Variants in RBFOX1 observed in about 807,000 individuals in gnomAD.
RBFOX1 encodes RNA binding protein fox-1 homolog 1.
In RBFOX1, 8 loss-of-function variants were observed where a neutral mutation model predicts 57.7. The observed-to-expected ratio is 0.14, with a 90% CI of 0.08 to 0.25. The LOEUF (loss-of-function observed/expected upper bound fraction) is 0.25, where lower values mean the gene tolerates loss of function less well. RBFOX1 is among the 10% of genes least tolerant of loss of function. The pLI is 1.00. For synonymous variants in RBFOX1, 326 were observed against 222.4 expected (o/e 1.47, Z -4.15); for missense variants, 611 against 548.5 (o/e 1.11, Z -1.14).
At chr16:6,753,557 T>C (rs1029642976) in intron 3 of RBFOX1, among the ~76,000 whole-genome samples, 1 of 152,198 alleles carries the variant, frequency 6.6e-6, no homozygotes, top group Admixed American at 6.5e-5. Flanking sequence ...ATTTGTTACA[T>C]CTGTCTTAAT....
intron 4 of RBFOX1, among the ~76,000 whole-genome samples, chr16:7,226,415 C>T (rs1439121783): frequency 6.6e-6 from 1 of 152,200 alleles, no homozygotes; most frequent in Non-Finnish European, 1.5e-5. Context: ...TACAGGCCCT[C>T]AGTTAAAAGA....
chr16:5,956,343 A>G (rs2059638881), intron 4 of RBFOX1, among the ~76,000 whole-genome samples: 8 of 152,260 alleles, frequency 5.3e-5, no homozygotes, highest in Middle Eastern at 3.4e-3. Context: ...TAAACAATGA[A>G]TAAATTTTTA....
chr16:6,341,490 A>G (rs1038450403), intron 2 of RBFOX1, among the ~76,000 whole-genome samples: 1 of 152,246 alleles, frequency 6.6e-6, no homozygotes, highest in Non-Finnish European at 1.5e-5. Flanking sequence ...TTTACTAAAC[A>G]GACCCAGGCT....
intron 15 of RBFOX1, chr16:7,709,417 T>C (rs2083531497): frequency 4.6e-6 from 6 of 1,309,214 alleles, no homozygotes; most frequent in Non-Finnish European, 6.0e-6. Context: ...ATTAAATCCA[T>C]CACTAACAGA....
At chr16:7,418,728 A>G (rs7190503) in intron 4 of RBFOX1, among the ~76,000 whole-genome samples, 32,614 of 151,960 alleles carry the variant, frequency 0.21, 3,619 homozygotes, top group East Asian at 0.33. Flanking sequence ...TAGAACTAAT[A>G]CTTTATGGTC....
In RBFOX1 at chr16:6,580,392, C is replaced by T. The variant is rs570709980; in HGVS notation, c.-63-74211C>T. On this transcript the variant is annotated intron_variant, in intron 2 of 15. Coordinates refer to ENST00000550418, the MANE Select transcript of RBFOX1 (RefSeq NM_018723.4). ...CATTTGCCAATTATCTGGAGAGGAGCACTACTTCCTAATTATGTGGTCATT... is the reference window on the plus strand; with the variant it reads ...CATTTGCCAATTATCTGGAGAGGAGTACTACTTCCTAATTATGTGGTCATT... Among the ~76,000 whole-genome samples, 7 of 152,300 alleles carry T rather than the reference C, an allele frequency of 4.6e-5. No homozygotes were observed. The South Asian group carries it at 8.3e-4, about 18-fold the overall frequency.
At chr16:6,612,719 G>C (rs2098080192) in intron 2 of RBFOX1, among the ~76,000 whole-genome samples, 1 of 151,810 alleles carries the variant, frequency 6.6e-6, no homozygotes, top group Non-Finnish European at 1.5e-5. Flanking sequence ...GGGTGTGGTG[G>C]TCGGTGTCTG....
At position 5,401,828 on chromosome 16, in the gene RBFOX1, C is replaced by T. The variant is rs74007403; in HGVS notation, c.220-65388C>T. On this transcript the variant is annotated intron_variant, in intron 1 of 2. Transcript: ENST00000585867. ...CCTCCTTCTCCTTCTCGTGCTGCTG[C>T]TTCCTCATCATCATTTCTGTCTCTG... Among the ~76,000 whole-genome samples the T allele has an allele frequency of 7.0e-3, 1,053 of 151,006 alleles. 14 individuals carry two copies. The highest frequency in any genetic ancestry group is 0.024 in the African/African-American group (992 of 41,082).
intron 1 of RBFOX1, among the ~76,000 whole-genome samples, chr16:6,021,279 G>A (rs887454228): frequency 1.3e-5 from 2 of 152,026 alleles, no homozygotes; most frequent in Non-Finnish European, 2.9e-5. Context: ...ACATGCCCCA[G>A]CCTGCCATCC....
intron 3 of RBFOX1, among the ~76,000 whole-genome samples, chr16:5,723,240 C>T (rs1275983796): frequency 6.6e-6 from 1 of 152,198 alleles, no homozygotes; most frequent in Non-Finnish European, 1.5e-5. Flanking sequence ...GACATGAGCA[C>T]AGTGACTGCT....
chr16:6,483,278 T>A, intron 2 of RBFOX1: 1 of 1,355,180 alleles, frequency 7.4e-7, no homozygotes, highest in Non-Finnish European at 9.5e-7. Context: ...GTTGATTGCC[T>A]CCTTGCACGG....
chr16:7,226,108 C>T (rs945934506), intron 4 of RBFOX1, among the ~76,000 whole-genome samples: 4 of 152,010 alleles, frequency 2.6e-5, no homozygotes, highest in African/African-American at 9.7e-5. Flanking sequence ...GACTGAGATC[C>T]TATCACTTTG....
At chr16:7,580,282 G>T (rs1052849600) in intron 6 of RBFOX1, among the ~76,000 whole-genome samples, 6 of 152,060 alleles carry the variant, frequency 3.9e-5, no homozygotes, top group Admixed American at 3.9e-4. Context: ...AGTCCTCTTG[G>T]TTTTGCTTTC....
chr16:7,245,193 A>G (rs767409967), intron 4 of RBFOX1, among the ~76,000 whole-genome samples: 5 of 151,744 alleles, frequency 3.3e-5, no homozygotes, highest in Non-Finnish European at 7.4e-5. Flanking sequence ...TAACTAAAAT[A>G]ATAAATATCT....
intron 2 of RBFOX1, among the ~76,000 whole-genome samples, chr16:6,522,603 A>G (rs2096523361): frequency 6.6e-6 from 1 of 152,198 alleles, no homozygotes; most frequent in South Asian, 2.1e-4. Flanking sequence ...AAAGTTAAAT[A>G]TGACCTGTTC....
chr16:5,398,141 C>T (rs2066614305), intron 1 of RBFOX1, among the ~76,000 whole-genome samples: 1 of 152,166 alleles, frequency 6.6e-6, no homozygotes, highest in Admixed American at 6.5e-5. Context: ...CCTGAGGGGA[C>T]ACCTAAGCTG....
chr16:5,915,166 G>T (rs1029556090), intron 4 of RBFOX1, among the ~76,000 whole-genome samples: 1 of 152,146 alleles, frequency 6.6e-6, no homozygotes, highest in African/African-American at 2.4e-5. Flanking sequence ...TCTCTTCTAG[G>T]TATCTAGATT....
intron 1 of RBFOX1, among the ~76,000 whole-genome samples, chr16:6,225,671 G>T (rs193063353): frequency 2.6e-5 from 4 of 152,256 alleles, no homozygotes; most frequent in Admixed American, 2.0e-4. Context: ...GCATAATTTA[G>T]GCATAAAATG....
At chr16:7,195,055 A>AT (rs34195422) in intron 4 of RBFOX1, among the ~76,000 whole-genome samples, 4 of 151,872 alleles carry the variant, frequency 2.6e-5, no homozygotes, top group African/African-American at 9.7e-5. Context: ...TAGCAACAAA[A>AT]CTTTAAAAAA....
Sources: allele counts gnomAD v4.1 joint callset (sites outside exome capture counted in the v4.1 genomes callset), GRCh38; gene constraint gnomAD v4.1.1; transcripts MANE v1.5; gene names NCBI Gene and HGNC (gene_info 2026-07-23, HGNC 2026-07-21).